The following RGS3 variants were observed in gnomAD, a reference collection of about 807,000 sequenced individuals.
The protein encoded by RGS3 is regulator of G-protein signalling 3.
RGS3 carries 80 observed loss-of-function variants against 132.6 expected under a neutral mutation model. That is an observed-to-expected ratio of 0.60 (90% CI 0.50 to 0.73). The LOEUF is 0.73. Ranked by LOEUF, RGS3 falls within the 30% of genes least tolerant of loss-of-function variation. The pLI is 0.00. For missense variants in RGS3, 1,382 were observed against 1,530.8 expected (o/e 0.90, Z 1.62); for synonymous variants, 598 against 620.6 (o/e 0.96, Z 0.54).
intron 19 of RGS3, among the ~76,000 whole-genome samples, chr9:113,553,441 TA>T (rs66536651): frequency 1.2e-3 from 25 of 20,422 alleles, no homozygotes; most frequent in Non-Finnish European, 1.9e-3. Context: ...AAACTCTGTT[TA>T]AAAAAAAAAA....
chr9:113,485,178 C>T (rs1239910119), intron 6 of RGS3, among the ~76,000 whole-genome samples: 1 of 152,082 alleles, frequency 6.6e-6, no homozygotes, highest in Non-Finnish European at 1.5e-5. Flanking sequence ...AGCTCCGCCT[C>T]CTGGGTTCAC....
At chr9:113,583,802 C>G (rs371825978) in exon 20 of RGS3, 2 of 1,614,020 alleles carry the variant, frequency 1.2e-6, no homozygotes, top group Non-Finnish European at 1.7e-6. Flanking sequence ...CCTCTACTCA[C>G]CAAAGACCTC....
At chr9:113,445,723 G>A (rs573175829) in intron 1 of RGS3, among the ~76,000 whole-genome samples, 1 of 152,326 alleles carries the variant, frequency 6.6e-6, no homozygotes, top group East Asian at 1.9e-4. Context: ...CTGTTGCCCA[G>A]GCTGGAGGGC....
Position 113,463,591 on chromosome 9 carries a change from C to G in RGS3, c.415+1390C>G, listed in dbSNP as rs544859707. ...GCGCGGGTCGGCGGCGCCGCCTCCC[C>G]CACCCCGGCCCAGCTCTGCTCCGGC... is the stretch of plus-strand genomic sequence containing the variant. On this transcript the variant is annotated intron_variant, in intron 3 of 24. Coordinates refer to ENST00000350696, the Ensembl canonical transcript of RGS3. This position sits in a 1 kb window ranked among gnomAD's most constrained non-coding sequence, Gnocchi z 4.6. The G allele has an allele frequency of 7.2e-6, 7 of 978,076 alleles. No individual in the cohort carries two copies. In the African/African-American group the frequency reaches 1.2e-4, roughly 17 times the overall value. The allele number at this position is 978,076 out of a possible 1,614,324, so 60.6% of individuals were successfully genotyped here.
At chr9:113,555,553 A>G (rs1315037080) in intron 19 of RGS3, among the ~76,000 whole-genome samples, 1 of 151,286 alleles carries the variant, frequency 6.6e-6, no homozygotes, top group Non-Finnish European at 1.5e-5. Context: ...TGCAACCTCC[A>G]TCTCCCAGGT....
At chr9:113,477,488 A>G (rs930272365) in intron 3 of RGS3, among the ~76,000 whole-genome samples, 5 of 152,206 alleles carry the variant, frequency 3.3e-5, no homozygotes, top group Admixed American at 6.5e-5. Flanking sequence ...GTTAGGAGAC[A>G]TGAAGGGTTC....
chr9:113,545,158 A>G (rs1029029697), intron 19 of RGS3, among the ~76,000 whole-genome samples: 1 of 152,206 alleles, frequency 6.6e-6, no homozygotes, highest in African/African-American at 2.4e-5. Context: ...ATTTGGCATC[A>G]AAAGGATCAG....
At chr9:113,515,009 T>C (rs1025354247) in intron 15 of RGS3, among the ~76,000 whole-genome samples, 4 of 152,204 alleles carry the variant, frequency 2.6e-5, no homozygotes, top group Non-Finnish European at 5.9e-5. Context: ...CCAGTGGTTT[T>C]TTATTTGAAA....
rs1226120092 is a variant in RGS3 at position 113,565,640 on chromosome 9, G to A, written c.2038-17810G>A. 4.0e-5 allele frequency: 11 copies of A among 278,158 alleles called. No homozygotes were observed. Among genetic ancestry groups the A allele is most frequent in the Admixed American group, 9.5e-5 (2 of 21,140 alleles). The allele number at this position is 278,158 out of a possible 1,614,324, so 17.2% of individuals were successfully genotyped here. On this transcript the variant is annotated intron_variant, in intron 19 of 24. Coordinates refer to ENST00000350696, the Ensembl canonical transcript of RGS3. This position sits in a 1 kb window ranked among gnomAD's most constrained non-coding sequence, Gnocchi z 5.7. ...GGAGCTGCCACAGCCACGGCCGCCC[G>A]CCTGCGGGAGGAGCCGGGTGGAAAC...
At chr9:113,555,427 A>G (rs1833528122) in intron 19 of RGS3, among the ~76,000 whole-genome samples, 1 of 151,492 alleles carries the variant, frequency 6.6e-6, no homozygotes, top group African/African-American at 2.4e-5. Context: ...CATACCTCCT[A>G]GGTATTGTTA....
At chr9:113,531,235 C>T (rs188997705) in intron 18 of RGS3, among the ~76,000 whole-genome samples, 1 of 152,314 alleles carries the variant, frequency 6.6e-6, no homozygotes, top group African/African-American at 2.4e-5. Context: ...GGCTTCAGAA[C>T]ACAGAAGGCT....
At chr9:113,512,724 C>G (rs1030099808) in intron 14 of RGS3, among the ~76,000 whole-genome samples, 5 of 152,176 alleles carry the variant, frequency 3.3e-5, no homozygotes, top group African/African-American at 1.2e-4. Flanking sequence ...GCTGGGCACC[C>G]AGGTCAGTGA....
Position 113,501,491 on chromosome 9 carries a change from C to T in RGS3, c.897+3411C>T. 2.0e-6 allele frequency: 3 copies of T among 1,514,966 alleles called. No individual in the cohort carries two copies. In the South Asian group the frequency reaches 3.6e-5, roughly 18 times the overall value. The allele number at this position is 1,514,966 out of a possible 1,614,324, so 93.8% of individuals were successfully genotyped here. ...GGGCGGGCTTCCCAGGGTGCTCATG[C>T]CAGGCTGACGGGTCCAGTGCGGGCT... On this transcript the variant is annotated intron_variant, in intron 10 of 24. Coordinates refer to ENST00000350696, the Ensembl canonical transcript of RGS3.
At chr9:113,584,061 A>C (rs1834975439) in exon 20 of RGS3, 1 of 1,614,006 alleles carries the variant, frequency 6.2e-7, no homozygotes, top group Non-Finnish European at 8.5e-7. Flanking sequence ...AGGATGCAGA[A>C]GAGGCCGAGG....
In RGS3 at chr9:113,525,265, G is replaced by A. The variant is rs1196665411; in HGVS notation, c.1870+2224G>A. Among the ~76,000 whole-genome samples, 6 of 152,258 alleles carry A rather than the reference G, an allele frequency of 3.9e-5. No individual in the cohort carries two copies. In the South Asian group the frequency reaches 6.2e-4, roughly 16 times the overall value. On this transcript the variant is annotated intron_variant, in intron 17 of 24. Transcript: ENST00000350696. ...TCCATTTCTAGGTGCACAATCCAACGCTTAGATTTCTTTCCAGGCACCGAT... is the reference window on the plus strand; with the variant it reads ...TCCATTTCTAGGTGCACAATCCAACACTTAGATTTCTTTCCAGGCACCGAT...
chr9:113,501,772 G>A (rs1232271168), intron 10 of RGS3: 4 of 921,630 alleles, frequency 4.3e-6, no homozygotes, highest in East Asian at 5.3e-5. Flanking sequence ...ATGGGGAGGA[G>A]GATAGAGACA....
At chr9:113,590,472 C>T (rs1377591235) in intron 20 of RGS3, among the ~76,000 whole-genome samples, 1 of 146,632 alleles carries the variant, frequency 6.8e-6, no homozygotes. Context: ...ATCCATCCAC[C>T]CATCCATCCA....
chr9:113,594,315 G>A (rs1835627128), intron 21 of RGS3, 115 bp from the exon 20 acceptor site: 1 of 1,592,654 alleles, frequency 6.3e-7, no homozygotes, highest in South Asian at 1.1e-5. Context: ...ACGGGAACCT[G>A]CAGAGGCGAC....
chr9:113,524,597 G>T (rs1220079002), intron 17 of RGS3, among the ~76,000 whole-genome samples: 1 of 152,218 alleles, frequency 6.6e-6, no homozygotes, highest in Non-Finnish European at 1.5e-5. Context: ...GAGGGCAGTG[G>T]CTGGGAGTCT....
Sources: allele counts gnomAD v4.1 joint callset (sites outside exome capture counted in the v4.1 genomes callset), GRCh38; gene constraint gnomAD v4.1.1; non-coding constraint Gnocchi (gnomAD v3.1); transcripts MANE v1.5; gene names NCBI Gene and HGNC (gene_info 2026-07-23, HGNC 2026-07-21).